Variants in TUT4 observed in about 807,000 individuals in gnomAD.
The protein encoded by TUT4 is terminal uridylyl transferase 4.
A neutral mutation model predicts 192.2 loss-of-function variants in TUT4; 36 were observed. The observed-to-expected ratio is 0.19, with a 90% CI of 0.14 to 0.25. TUT4 has a LOEUF of 0.25. TUT4 is among the 10% of genes least tolerant of loss of function. TUT4 has a pLI of 1.00. For synonymous variants in TUT4, 618 were observed against 666.0 expected (o/e 0.93, Z 1.11); for missense variants, 1,493 against 1,957.2 (o/e 0.76, Z 4.47).
At chr1:52,435,699 G>A (rs1653527194) in intron 26 of TUT4, among the ~76,000 whole-genome samples, 1 of 152,132 alleles carries the variant, frequency 6.6e-6, no homozygotes, top group South Asian at 2.1e-4. Flanking sequence ...GATCCTAGAA[G>A]CAAGAACAAA....
intron 12 of TUT4, among the ~76,000 whole-genome samples, chr1:52,477,033 T>G (rs1326622826): frequency 1.3e-5 from 2 of 152,224 alleles, no homozygotes; most frequent in Admixed American, 1.3e-4. Context: ...CGAAGCCACA[T>G]TTATTAGGTG....
intron 20 of TUT4, 28 bp from the exon 21 acceptor site, chr1:52,446,695 A>G (rs1428279287): frequency 6.4e-7 from 1 of 1,554,046 alleles, no homozygotes; most frequent in African/African-American, 1.4e-5. Flanking sequence ...TTGTATTATT[A>G]GATTTCAAGT....
chr1:52,513,181 C>A (rs1571155248), intron 3 of TUT4, among the ~76,000 whole-genome samples: 1 of 144,032 alleles, frequency 6.9e-6, no homozygotes, highest in African/African-American at 2.6e-5. Context: ...CACCTGTAAA[C>A]TCAGCACGTT....
In TUT4 at chr1:52,516,388, G is replaced by A. The variant is rs151064826; in HGVS notation, c.719-334C>T. ...CTTGGAGAATCTCTGAAGTCAATCT[G>A]ATAAAAAAACTGTTTGGAGTCCCAC... is the stretch of plus-strand genomic sequence containing the variant. On this transcript the variant is annotated intron_variant, in intron 2 of 29. Transcript: ENST00000257177. 1.6e-3 allele frequency among the ~76,000 whole-genome samples: 241 copies of A among 152,196 alleles called. 1 individual carries two copies. The highest frequency in any genetic ancestry group is 5.6e-3 in the African/African-American group (231 of 41,532).
chr1:52,527,998 G>A (rs1404189481), intron 1 of TUT4, among the ~76,000 whole-genome samples: 1 of 151,848 alleles, frequency 6.6e-6, no homozygotes, highest in African/African-American at 2.4e-5. Flanking sequence ...CCAACATGGT[G>A]AAACCCCGTC....
chr1:52,535,030 T>C (rs1684522462), intron 1 of TUT4: 1 of 152,204 alleles, frequency 6.6e-6, no homozygotes, highest in Non-Finnish European at 1.5e-5. Flanking sequence ...TCTCTTTGCT[T>C]TGGTATTCTG....
chr1:52,461,781 AT>A lies in TUT4; in HGVS notation c.3070-13del. 7.6e-7 allele frequency: 1 copy of A among 1,321,786 alleles called. No homozygotes were observed. The highest frequency in any genetic ancestry group is 1.4e-5 in the South Asian group (1 of 73,796). 81.9% of individuals were successfully genotyped at this position (1,321,786 alleles called of 1,614,324 possible). On this transcript the variant is annotated splice_polypyrimidine_tract_variant and intron_variant, in intron 16 of 29. Transcript: ENST00000257177. ...TTACAATTTAATTTCTAAAAAACAAATCAAATAAATAAGTTTGACTCAATTT... is the reference window on the plus strand; with the variant it reads ...TTACAATTTAATTTCTAAAAAACAAACAAATAAATAAGTTTGACTCAATTT...
At chr1:52,549,018 T>TA (rs1440399882) in intron 1 of TUT4, among the ~76,000 whole-genome samples, 1 of 152,152 alleles carries the variant, frequency 6.6e-6, no homozygotes. Context: ...TCCAAAAAAT[T>TA]AAAAGTTCTT....
At chr1:52,425,636 C>A in intron 28 of TUT4, 129 bp from the exon 29 acceptor site, 1 of 1,147,796 alleles carries the variant, frequency 8.7e-7, no homozygotes. Flanking sequence ...CAGAGAATAC[C>A]AAACAAACTT....
At chr1:52,442,348 CTTATCT>C (rs1289785655) in intron 24 of TUT4, among the ~76,000 whole-genome samples, 3 of 151,952 alleles carry the variant, frequency 2.0e-5, no homozygotes, top group Admixed American at 1.3e-4. Context: ...AGGAAATATA[CTTATCT>C]TTATCTTTCA....
At chr1:52,491,135 G>A (rs1671043239) in intron 7 of TUT4, among the ~76,000 whole-genome samples, 1 of 152,154 alleles carries the variant, frequency 6.6e-6, no homozygotes, top group Non-Finnish European at 1.5e-5. Context: ...AGCAAAGAGA[G>A]GACACCCCTT....
intron 28 of TUT4, among the ~76,000 whole-genome samples, chr1:52,425,806 C>T (rs1025859448): frequency 7.4e-6 from 1 of 134,296 alleles, no homozygotes; most frequent in Non-Finnish European, 1.5e-5. Context: ...AGACAGTCTT[C>T]GTAAGATGAT....
At chr1:52,551,711 C>T (rs1231414768) in intron 1 of TUT4, among the ~76,000 whole-genome samples, 3 of 152,256 alleles carry the variant, frequency 2.0e-5, no homozygotes, top group African/African-American at 7.2e-5. Context: ...CACACACACA[C>T]ACAAAGTCGG....
At chr1:52,460,717 T>C (rs1257023922) in intron 19 of TUT4, among the ~76,000 whole-genome samples, 1 of 152,222 alleles carries the variant, frequency 6.6e-6, no homozygotes, top group Non-Finnish European at 1.5e-5. Flanking sequence ...GAAAACTAAA[T>C]TCAATGTCAT....
intron 1 of TUT4, chr1:52,529,887 T>TG (rs1297147519): frequency 1.3e-5 from 2 of 152,230 alleles, no homozygotes; most frequent in East Asian, 1.9e-4. Flanking sequence ...TCGTTCAGGT[T>TG]GGGGGGTAAA....
At chr1:52,501,070 CAA>C (rs1233166465) in intron 4 of TUT4, among the ~76,000 whole-genome samples, 12 of 152,092 alleles carry the variant, frequency 7.9e-5, no homozygotes, top group African/African-American at 2.9e-4. Flanking sequence ...GAATATGACA[CAA>C]AAGACATAGG....
At chr1:52,435,585 G>A in intron 26 of TUT4, 120 bp from the exon 27 acceptor site, 1 of 766,212 alleles carries the variant, frequency 1.3e-6, no homozygotes, top group Admixed American at 2.5e-5. Context: ...TATAAACTTG[G>A]ACTTTTAAAC....
chr1:52,463,584 C>T (rs1045010922), intron 16 of TUT4: 54 of 1,263,392 alleles, frequency 4.3e-5, no homozygotes, highest in Non-Finnish European at 5.5e-5. Flanking sequence ...AGAAGCTGGG[C>T]CTCACCCCAA....
intron 20 of TUT4, among the ~76,000 whole-genome samples, chr1:52,457,637 G>A (rs1333919022): frequency 6.6e-6 from 1 of 152,120 alleles, no homozygotes; most frequent in Non-Finnish European, 1.5e-5. Context: ...AATAAAAATA[G>A]TCACCATTCT....
Sources: gnomAD v4.1 joint callset for allele counts (sites outside exome capture counted in the v4.1 genomes callset) on GRCh38, gnomAD v4.1.1 for gene constraint, MANE v1.5 for transcripts, NCBI Gene and HGNC (gene_info 2026-07-23, HGNC 2026-07-21) for gene names.